CDK17: variants seen among roughly 807,000 people sequenced by gnomAD.
CDK17 encodes cyclin-dependent kinase 17.
A neutral mutation model predicts 77.6 loss-of-function variants in CDK17; 24 were observed. The ratio of observed to expected loss-of-function variants is 0.31; its 90% CI spans 0.22 to 0.44. CDK17 has a LOEUF of 0.44. CDK17 is among the 20% of genes least tolerant of loss of function. The pLI, the probability that CDK17 is intolerant of heterozygous loss-of-function variation, is 1.00. For missense variants in CDK17, 429 were observed against 622.5 expected, an observed-to-expected ratio of 0.69 and a Z score of 3.31; for synonymous variants, 203 against 210.4, an observed-to-expected ratio of 0.96 and a Z score of 0.30.
chr12:96,392,392 A>T (rs2137247337), intron 1 of CDK17, among the ~76,000 whole-genome samples: 1 of 152,368 alleles, frequency 6.6e-6, no homozygotes, highest in Non-Finnish European at 1.5e-5. Flanking sequence ...GGATAAAATA[A>T]GATACATATA....
intron 7 of CDK17, among the ~76,000 whole-genome samples, chr12:96,298,500 G>C (rs1952445112): frequency 6.6e-6 from 1 of 152,040 alleles, no homozygotes; most frequent in Non-Finnish European, 1.5e-5. Flanking sequence ...GTTGCCTCAA[G>C]CCATTTTCTG....
At chr12:96,329,655 T>A (rs929207706) in intron 2 of CDK17, among the ~76,000 whole-genome samples, 33 of 152,200 alleles carry the variant, frequency 2.2e-4, no homozygotes, top group African/African-American at 7.7e-4. Context: ...ACTTGTGCTA[T>A]TTGTTGGAGT....
At chr12:96,329,231 CA>C (rs1188590601) in intron 2 of CDK17, among the ~76,000 whole-genome samples, 1 of 151,838 alleles carries the variant, frequency 6.6e-6, no homozygotes, top group Non-Finnish European at 1.5e-5. Context: ...GATGGTTACG[CA>C]ATGTAAATAG....
At chr12:96,356,633 T>C (rs905515629) in intron 1 of CDK17, among the ~76,000 whole-genome samples, 4 of 152,160 alleles carry the variant, frequency 2.6e-5, no homozygotes, top group East Asian at 1.9e-4. Flanking sequence ...GTTCACTATA[T>C]TGGAACCCCT....
chr12:96,310,201 T>C (rs576264724), intron 5 of CDK17, among the ~76,000 whole-genome samples: 20 of 152,108 alleles, frequency 1.3e-4, no homozygotes, highest in Admixed American at 2.6e-4. Context: ...AACATAACAC[T>C]GAACAAAAGA....
intron 1 of CDK17, among the ~76,000 whole-genome samples, chr12:96,350,661 T>A (rs1384369940): frequency 2.0e-5 from 3 of 152,198 alleles, no homozygotes; most frequent in African/African-American, 7.2e-5. Flanking sequence ...GAAAACTGGA[T>A]GTTTTCATGC....
intron 1 of CDK17, among the ~76,000 whole-genome samples, chr12:96,373,954 A>T (rs1953737468): frequency 6.6e-6 from 1 of 152,168 alleles, no homozygotes; most frequent in African/African-American, 2.4e-5. Flanking sequence ...GTCTCAAAAA[A>T]ACAAAAAACA....
Position 96,311,058 on chromosome 12 carries a change from A to T in CDK17, c.537T>A (p.Ala179=). Residue 179 remains alanine (A), a synonymous_variant, in exon 5 of 17, where the codon GCT becomes GCA. Coordinates refer to ENST00000261211, the MANE Select transcript of CDK17 (RefSeq NM_002595.5). ...TAGGAGACCAAAAACTTACTAAGGA[A>T]GCTCTACGAGACCTTCGACTCATTG... ...DQPMSRRSRR[A]SLSEIGFGKM... is the part of the protein sequence containing the mutation. 1 of 1,596,452 alleles carries T rather than the reference A, an allele frequency of 6.3e-7. No homozygotes were observed. Among genetic ancestry groups the T allele is most frequent in the Non-Finnish European group, 8.5e-7 (1 of 1,174,924 alleles).
At chr12:96,356,561 G>A (rs1236540358) in intron 1 of CDK17, among the ~76,000 whole-genome samples, 6 of 152,204 alleles carry the variant, frequency 3.9e-5, no homozygotes, top group Non-Finnish European at 8.8e-5. Flanking sequence ...ATGAGCCACT[G>A]TGCTAAGTCT....
intron 3 of CDK17, among the ~76,000 whole-genome samples, chr12:96,316,424 CCA>C: frequency 2.7e-5 from 4 of 145,656 alleles, no homozygotes; most frequent in Non-Finnish European, 6.1e-5. Flanking sequence ...AACAAAGCAG[CCA>C]CGAAGCTCGA....
intron 1 of CDK17, among the ~76,000 whole-genome samples, chr12:96,377,230 C>G (rs1410094795): frequency 6.6e-6 from 1 of 152,042 alleles, no homozygotes; most frequent in Non-Finnish European, 1.5e-5. Flanking sequence ...TTCCTTATAA[C>G]CTTGGAATGG....
intron 5 of CDK17, among the ~76,000 whole-genome samples, chr12:96,301,257 A>AAAC (rs1204862212): frequency 1.3e-5 from 2 of 150,462 alleles, no homozygotes; most frequent in African/African-American, 2.5e-5. Flanking sequence ...AAAAAAAAAA[A>AAAC]AACAAACAAA....
rs746890647 is a variant in CDK17, at chr12:96,297,669, A to T, written c.768T>A (p.Ile256=). The change falls in exon 8 of 17, where the codon ATT becomes ATA. Residue 256 remains isoleucine (I), a synonymous_variant. Transcript: ENST00000261211. The part of the protein sequence containing the change: ...KHANIVTLHD[I]VHTDKSLTLV... The stretch of plus-strand genomic sequence containing the variant: ...AAGTCAAGGATTTATCTGTGTGAAC[A>T]ATGTCATGTAAGGTTACTATATTTG... 6.2e-7 allele frequency: 1 copy of T among 1,606,332 alleles called. No homozygotes were observed. Among genetic ancestry groups the T allele is most frequent in the Non-Finnish European group, 8.5e-7 (1 of 1,174,052 alleles).
intron 5 of CDK17, among the ~76,000 whole-genome samples, chr12:96,309,220 C>A (rs1246811226): frequency 1.3e-5 from 2 of 152,152 alleles, no homozygotes; most frequent in African/African-American, 4.8e-5. Context: ...ACATCTACAC[C>A]CAAACCTCTG....
At chr12:96,370,238 CTTTAA>C (rs1171861483) in intron 1 of CDK17, among the ~76,000 whole-genome samples, 4 of 152,262 alleles carry the variant, frequency 2.6e-5, no homozygotes, top group Non-Finnish European at 4.4e-5. Context: ...CTGTATATTG[CTTTAA>C]TTTATTTGGT....
chr12:96,345,839 CA>C (rs1202431052), intron 1 of CDK17, among the ~76,000 whole-genome samples: 14 of 151,672 alleles, frequency 9.2e-5, no homozygotes, highest in African/African-American at 3.4e-4. Flanking sequence ...TAAAAATTAG[CA>C]AAGTGCAATA....
intron 1 of CDK17, among the ~76,000 whole-genome samples, chr12:96,385,300 TGA>T (rs1417002008): frequency 2.0e-5 from 3 of 151,548 alleles, no homozygotes; most frequent in Admixed American, 6.6e-5. Flanking sequence ...GGCGACAGAG[TGA>T]GACTCTGTCT....
In CDK17 at chr12:96,395,374, A is replaced by G. The variant is rs546900280; in HGVS notation, c.-30+4612T>C. Among the ~76,000 whole-genome samples, 5 of 152,312 alleles carry G rather than the reference A, an allele frequency of 3.3e-5. No individual in the cohort carries two copies. In the East Asian group the frequency reaches 7.7e-4, roughly 23 times the overall value. On this transcript the variant is annotated intron_variant, in intron 1 of 16. Coordinates refer to ENST00000261211, the MANE Select transcript of CDK17 (RefSeq NM_002595.5). ...CAGACAGTAACATTGACTTTTTAAC[A>G]TCTCATCCTCATGGAGACAGTGTAG...
At chr12:96,387,206 C>T (rs1012435362) in intron 1 of CDK17, 4 of 249,316 alleles carry the variant, frequency 1.6e-5, no homozygotes, top group African/African-American at 2.3e-5. Context: ...CTAGCAGTGC[C>T]GTCATTCCTT....
Sources: allele counts gnomAD v4.1 joint callset (sites outside exome capture counted in the v4.1 genomes callset), GRCh38; gene constraint gnomAD v4.1.1; transcripts MANE v1.5; gene names NCBI Gene and HGNC (gene_info 2026-07-23, HGNC 2026-07-21).